The following STAG1 variants were observed in gnomAD, a reference collection of about 807,000 sequenced individuals.
The protein encoded by STAG1 is cohesin subunit SA-1.
STAG1 carries 26 observed loss-of-function variants against 170.9 expected under a neutral mutation model. The observed-to-expected ratio is 0.15, with a 90% CI of 0.11 to 0.21. The LOEUF is 0.21. STAG1 is among the 10% of genes least tolerant of loss of function. The probability of loss-of-function intolerance (pLI) is 1.00; values close to 1 mark genes in which losing one functional copy is unlikely to be tolerated. For missense variants in STAG1, 964 were observed against 1,509.5 expected (o/e 0.64, Z 5.99); for synonymous variants, 514 against 497.7 (o/e 1.03, Z -0.44).
intron 1 of STAG1, among the ~76,000 whole-genome samples, chr3:136,661,553 C>T (rs910582847): frequency 6.6e-6 from 1 of 151,986 alleles, no homozygotes; most frequent in Admixed American, 6.6e-5. Flanking sequence ...ATAAATGTTG[C>T]GTTTAGACTT....
chr3:136,410,245 C>G (rs1377907473), intron 21 of STAG1, among the ~76,000 whole-genome samples: 1 of 151,618 alleles, frequency 6.6e-6, no homozygotes, highest in Non-Finnish European at 1.5e-5. Flanking sequence ...ACTAAAAATA[C>G]AAAAATTATC....
intron 1 of STAG1, among the ~76,000 whole-genome samples, chr3:136,676,169 G>A (rs1942123865): frequency 6.6e-6 from 1 of 152,202 alleles, no homozygotes; most frequent in Admixed American, 6.5e-5. Flanking sequence ...CACTTACCAT[G>A]AATAAAGCTT....
rs183645503 is a variant in STAG1, at chr3:136,723,194, T to C, written c.-84+29001A>G. On this transcript the variant is annotated intron_variant, in intron 1 of 33. Transcript: ENST00000383202. ...GGAGCCCCTCTGCCTGGCTACCCAGTCTGGAAAGTGAGGAGCGTCTCTGCC... is the reference window on the plus strand; with the variant it reads ...GGAGCCCCTCTGCCTGGCTACCCAGCCTGGAAAGTGAGGAGCGTCTCTGCC... Among the ~76,000 whole-genome samples, 1,140 of 144,840 alleles carry C rather than the reference T, an allele frequency of 7.9e-3. 18 individuals carry two copies. Among genetic ancestry groups the C allele is most frequent in the African/African-American group, 0.028 (1,086 of 38,344 alleles).
chr3:136,376,594 A>G (rs1576405359), intron 23 of STAG1, among the ~76,000 whole-genome samples: 2 of 152,156 alleles, frequency 1.3e-5, no homozygotes, highest in Admixed American at 6.5e-5. Flanking sequence ...CCCAATGTAC[A>G]TATTACTAGG....
At chr3:136,670,095 C>T (rs1029809082) in intron 1 of STAG1, among the ~76,000 whole-genome samples, 1 of 152,276 alleles carries the variant, frequency 6.6e-6, no homozygotes, top group Non-Finnish European at 1.5e-5. Context: ...ACTGCTTGAG[C>T]CCAGGAGTCT....
rs368181116 is a variant in STAG1, at chr3:136,445,024, C to CTTT, written c.1429-1623_1429-1621dup. Among the ~76,000 whole-genome samples the CTTT allele has an allele frequency of 3.0e-3, 399 of 134,148 alleles. 3 individuals are homozygous for CTTT. The highest frequency in any genetic ancestry group is 4.3e-3 in the Non-Finnish European group (272 of 62,658). 88.0% of individuals were successfully genotyped at this position (134,148 alleles called of 152,430 possible). A position where few individuals can be genotyped will look rare whatever the true frequency, so the allele number is the denominator to read the frequency against. On this transcript the variant is annotated intron_variant, in intron 14 of 33. Transcript: ENST00000383202. ...TATAGGAGTGTGCTACCCCGCCTGG[C>CTTT]TTTTTTTTTTTTTTTTGTAGAGACG...
intron 21 of STAG1, among the ~76,000 whole-genome samples, chr3:136,409,798 C>G (rs1322950321): frequency 6.6e-6 from 1 of 152,136 alleles, no homozygotes; most frequent in Non-Finnish European, 1.5e-5. Flanking sequence ...ATAAATTCAG[C>G]TGGGTGTTGT....
chr3:136,751,428 C>T (rs567931022), intron 1 of STAG1, among the ~76,000 whole-genome samples: 3 of 152,100 alleles, frequency 2.0e-5, no homozygotes, highest in African/African-American at 7.2e-5. Flanking sequence ...CCCGCCCCCA[C>T]CTCGAGAAAG....
At chr3:136,429,487 G>A (rs1318378612) in intron 16 of STAG1, among the ~76,000 whole-genome samples, 1 of 152,202 alleles carries the variant, frequency 6.6e-6, no homozygotes, top group Non-Finnish European at 1.5e-5. Context: ...GGTACCAGAT[G>A]ATGAGGAAGA....
intron 6 of STAG1, among the ~76,000 whole-genome samples, chr3:136,529,398 C>A (rs1935250498): frequency 6.6e-6 from 1 of 152,018 alleles, no homozygotes; most frequent in Non-Finnish European, 1.5e-5. Flanking sequence ...AGTGTCTAGT[C>A]ATATATAAAG....
intron 14 of STAG1, among the ~76,000 whole-genome samples, chr3:136,447,510 G>A (rs549056829): frequency 3.3e-5 from 5 of 151,332 alleles, no homozygotes; most frequent in South Asian, 2.1e-4. Flanking sequence ...TGACCATACT[G>A]CCAGATTATC....
chr3:136,445,994 T>C (rs1322317262), intron 14 of STAG1, among the ~76,000 whole-genome samples: 1 of 152,212 alleles, frequency 6.6e-6, no homozygotes, highest in African/African-American at 2.4e-5. Flanking sequence ...TTTACTGGGA[T>C]TACTCATGCT....
intron 26 of STAG1, among the ~76,000 whole-genome samples, chr3:136,362,255 A>T (rs1013256395): frequency 2.0e-5 from 3 of 151,940 alleles, no homozygotes; most frequent in Non-Finnish European, 4.4e-5. Flanking sequence ...CACTGCGTCC[A>T]GCCTAATGCC....
intron 21 of STAG1, among the ~76,000 whole-genome samples, chr3:136,400,686 C>T (rs1253440121): frequency 1.3e-5 from 2 of 152,126 alleles, no homozygotes; most frequent in African/African-American, 4.8e-5. Flanking sequence ...CAGGCGCCTG[C>T]CACCACGCCT....
chr3:136,451,503 ACCATAAT>A (rs1434165309), intron 14 of STAG1, among the ~76,000 whole-genome samples: 3 of 152,154 alleles, frequency 2.0e-5, no homozygotes, highest in African/African-American at 7.2e-5. Context: ...GTGGCTCATG[ACCATAAT>A]CCCAGCACTT....
At chr3:136,657,032 C>G (rs531598355) in intron 1 of STAG1, among the ~76,000 whole-genome samples, 78 of 151,634 alleles carry the variant, frequency 5.1e-4, no homozygotes, top group African/African-American at 1.8e-3. Context: ...AAACAATGTC[C>G]TATAAATGGA....
intron 15 of STAG1, among the ~76,000 whole-genome samples, chr3:136,438,368 C>A (rs539644313): frequency 6.6e-6 from 1 of 150,846 alleles, no homozygotes; most frequent in South Asian, 2.1e-4. Context: ...GATGACAAGG[C>A]GCGTGCCACC....
At chr3:136,525,599 GTTCTGCTCTGATCTTAGTTAT>G (rs1934970865) in intron 6 of STAG1, among the ~76,000 whole-genome samples, 1 of 152,026 alleles carries the variant, frequency 6.6e-6, no homozygotes, top group African/African-American at 2.4e-5. Context: ...ATCTCCTTCA[GTTCTGCTCTGATCTTAGTTAT>G]TTCTTGCTTT....
At position 136,357,831 on chromosome 3, in the gene STAG1, G is replaced by T; in HGVS notation, c.2954C>A (p.Ala985Glu). The T allele has an allele frequency of 6.2e-7, 1 of 1,600,624 alleles. No individual in the cohort carries two copies. Residue 985 changes from alanine (A) to glutamate (E), a missense_variant, in exon 28 of 34, where the codon GCA becomes GAA. Coordinates refer to ENST00000383202, the MANE Select transcript of STAG1 (RefSeq NM_005862.3). ...ATLHKDGIEF[A>E]FKYQNQKGQE... The stretch of plus-strand genomic sequence containing the variant: ...TCCTTTCTGATTTTGGTATTTAAAT[G>T]CAAACTCTATGCCATCCCTGAAGTA...
Sources: gnomAD v4.1 joint callset for allele counts (sites outside exome capture counted in the v4.1 genomes callset) on GRCh38, gnomAD v4.1.1 for gene constraint, MANE v1.5 for transcripts, NCBI Gene and HGNC (gene_info 2026-07-23, HGNC 2026-07-21) for gene names.